RAD54L2: variants seen among roughly 807,000 people sequenced by gnomAD.
RAD54L2 encodes RAD54 like 2, also known as helicase ARIP4.
Under a neutral mutation model 138.4 loss-of-function variants are expected in RAD54L2, and 27 were observed. The observed-to-expected ratio is 0.20, with a 90% CI of 0.14 to 0.27. The LOEUF (loss-of-function observed/expected upper bound fraction) is 0.27. Ranked by LOEUF, RAD54L2 falls within the 10% of genes least tolerant of loss-of-function variation. RAD54L2 has a pLI of 1.00. For missense variants in RAD54L2, 1,396 were observed against 1,890.2 expected (o/e 0.74, Z 4.85); for synonymous variants, 644 against 723.2 (o/e 0.89, Z 1.76).
At chr3:51,626,059 G>A (rs1220118340) in intron 3 of RAD54L2, among the ~76,000 whole-genome samples, 1 of 151,458 alleles carries the variant, frequency 6.6e-6, no homozygotes, top group East Asian at 1.9e-4. Context: ...CAAACAATAA[G>A]CCACCAGCCC....
chr3:51,568,787 A>AT (rs1251209876), intron 2 of RAD54L2, among the ~76,000 whole-genome samples: 4 of 152,154 alleles, frequency 2.6e-5, no homozygotes, highest in African/African-American at 9.7e-5. Context: ...TGCATTGTAA[A>AT]TTTCCTGGTG....
At chr3:51,649,080 T>G (rs1418184821) in intron 19 of RAD54L2, among the ~76,000 whole-genome samples, 1 of 152,000 alleles carries the variant, frequency 6.6e-6, no homozygotes, top group Non-Finnish European at 1.5e-5. Flanking sequence ...AATGGCTAAC[T>G]AGAATAAACA....
intron 3 of RAD54L2, among the ~76,000 whole-genome samples, chr3:51,626,089 C>T (rs946480102): frequency 2.0e-5 from 3 of 151,934 alleles, no homozygotes; most frequent in Admixed American, 6.6e-5. Context: ...GCCGACCCCA[C>T]CAAAAAAAAA....
At position 51,581,614 on chromosome 3, in the gene RAD54L2, C is replaced by G. The variant is rs534039765; in HGVS notation, c.-54-8753C>G. Among the ~76,000 whole-genome samples, 96 of 152,244 alleles carry G rather than the reference C, an allele frequency of 6.3e-4. 2 individuals carry two copies. The Middle Eastern group carries it at 0.01, about 16-fold the overall frequency. On this transcript the variant is annotated intron_variant, in intron 2 of 22. Transcript: ENST00000684192. ...GCTTGTATCGGTCTGGGCTCGAAAGCACCCAGACTGAGCTCTGTGGCTCTG... is the reference window on the plus strand; with the variant it reads ...GCTTGTATCGGTCTGGGCTCGAAAGGACCCAGACTGAGCTCTGTGGCTCTG...
chr3:51,592,673 C>G (rs1015716598), intron 3 of RAD54L2, among the ~76,000 whole-genome samples: 1 of 151,264 alleles, frequency 6.6e-6, no homozygotes, highest in East Asian at 2.0e-4. Context: ...CTCCCAGGTT[C>G]TAGCAATTCT....
At position 51,590,386 on chromosome 3, in the gene RAD54L2, G is replaced by GAGT; in HGVS notation, c.-34_-32dup. On this transcript the variant is annotated 5_prime_UTR_variant, in exon 3 of 23. Transcript: ENST00000684192. ...TCCTAGCACCCCTGCAGTGGACCAT[G>GAGT]AGTCGGTAATGCCCACTGAGGACCT... 1 of 1,491,260 alleles carries GAGT rather than the reference G, an allele frequency of 6.7e-7. No homozygotes were observed. Among genetic ancestry groups the GAGT allele is most frequent in the East Asian group, 2.5e-5 (1 of 40,274 alleles). 92.4% of individuals were successfully genotyped at this position (1,491,260 alleles called of 1,614,324 possible). A position where few individuals can be genotyped will look rare whatever the true frequency, so the allele number is the denominator to read the frequency against.
intron 2 of RAD54L2, among the ~76,000 whole-genome samples, chr3:51,574,307 C>T (rs1364987871): frequency 1.3e-5 from 2 of 152,090 alleles, no homozygotes; most frequent in African/African-American, 2.4e-5. Flanking sequence ...GATAAACATA[C>T]GTGTGCATGT....
chr3:51,574,821 C>G lies in RAD54L2; in HGVS notation c.-54-15546C>G, dbSNP rs185567089. 1.1e-3 allele frequency among the ~76,000 whole-genome samples: 164 copies of G among 152,250 alleles called. 1 individual carries two copies. The highest frequency in any genetic ancestry group is 9.1e-3 in the Admixed American group (139 of 15,290). ...TGCCTGTTCATTCTGATGGTCATTT[C>G]TTTTGCTGTGCAGAATCTCTTTAGT... is the stretch of plus-strand genomic sequence containing the variant. On this transcript the variant is annotated intron_variant, in intron 2 of 22. Coordinates refer to ENST00000684192, the MANE Select transcript of RAD54L2 (RefSeq NM_015106.4).
intron 2 of RAD54L2, among the ~76,000 whole-genome samples, chr3:51,574,606 G>A (rs962770178): frequency 1.3e-5 from 2 of 152,116 alleles, no homozygotes; most frequent in Non-Finnish European, 2.9e-5. Context: ...GTGATGATGA[G>A]CATTTTTTCA....
At chr3:51,651,721 C>T (rs971827525) in intron 19 of RAD54L2, among the ~76,000 whole-genome samples, 26 of 152,178 alleles carry the variant, frequency 1.7e-4, no homozygotes, top group South Asian at 2.1e-4. Context: ...AAAAGGCATT[C>T]GACAAAATTC....
chr3:51,642,518 C>T (rs576231080), intron 15 of RAD54L2, among the ~76,000 whole-genome samples: 36 of 152,070 alleles, frequency 2.4e-4, no homozygotes, highest in African/African-American at 8.7e-4. Flanking sequence ...TTGAGAAATA[C>T]AGACCTCAGC....
In RAD54L2 at chr3:51,662,365, C is replaced by T; in HGVS notation, c.3410-61C>T. On this transcript the variant is annotated intron_variant, in intron 22 of 22. Coordinates refer to ENST00000684192, the MANE Select transcript of RAD54L2 (RefSeq NM_015106.4). The surrounding 1 kb of genome is among the most constrained non-coding windows in gnomAD (Gnocchi z 4.6). ...AGGATTTTTTTTAATGGAGTTTTCT[C>T]CTCTACCCTTCTTCTCTCCCTGGCC... The T allele has an allele frequency of 7.1e-7, 1 of 1,416,344 alleles. No individual in the cohort carries two copies. Among genetic ancestry groups the T allele is most frequent in the Non-Finnish European group, 9.4e-7 (1 of 1,059,824 alleles). 87.7% of individuals were successfully genotyped at this position (1,416,344 alleles called of 1,614,324 possible).
At chr3:51,575,632 T>C (rs185030890) in intron 2 of RAD54L2, among the ~76,000 whole-genome samples, 53 of 152,322 alleles carry the variant, frequency 3.5e-4, no homozygotes, top group Non-Finnish European at 6.2e-4. Context: ...AGTTCATTCA[T>C]GATTTGGCTC....
chr3:51,579,161 CTTT>C (rs771455214), intron 2 of RAD54L2, among the ~76,000 whole-genome samples: 1 of 131,630 alleles, frequency 7.6e-6, no homozygotes, highest in African/African-American at 2.8e-5. Flanking sequence ...TGAGCCTGGG[CTTT>C]TTTTTTTTTT....
At chr3:51,546,748 G>T (rs1698705808) in intron 2 of RAD54L2, among the ~76,000 whole-genome samples, 1 of 152,062 alleles carries the variant, frequency 6.6e-6, no homozygotes, top group South Asian at 2.1e-4. Context: ...AGTTGTTGAG[G>T]CCAGGCGCGG....
chr3:51,589,857 C>T (rs1699803026), intron 2 of RAD54L2, among the ~76,000 whole-genome samples: 1 of 152,044 alleles, frequency 6.6e-6, no homozygotes, highest in Non-Finnish European at 1.5e-5. Context: ...GTCAAAATAG[C>T]CAAGAGATGT....
Position 51,643,932 on chromosome 3 carries a change from A to T in RAD54L2, c.2408A>T (p.Asp803Val). ...ERERLINQFNDPSNLTTWLFL... is the reference protein window; with the variant it reads ...ERERLINQFNVPSNLTTWLFL... ...GAGCGGCTTATTAATCAGTTCAATGATCCCAGCAACCTCACCACCTGGCTG... is the reference window on the plus strand; with the variant it reads ...GAGCGGCTTATTAATCAGTTCAATGTTCCCAGCAACCTCACCACCTGGCTG... Residue 803 changes from aspartate (D) to valine (V), a missense_variant, in exon 16 of 23, where the codon GAT (aspartate) becomes GTT (valine). Physicochemically the swap from Asp to Val is radical, Grantham distance 152. Coordinates refer to ENST00000684192, the MANE Select transcript of RAD54L2 (RefSeq NM_015106.4). 1 of 1,607,690 alleles carries T rather than the reference A, an allele frequency of 6.2e-7. No homozygotes were observed. The highest frequency in any genetic ancestry group is 1.7e-4 in the Middle Eastern group (1 of 6,056).
chr3:51,576,001 T>C (rs1444851329), intron 2 of RAD54L2, among the ~76,000 whole-genome samples: 4 of 152,186 alleles, frequency 2.6e-5, no homozygotes, highest in Admixed American at 6.5e-5. Flanking sequence ...AAATAACTCT[T>C]ATTATTTTGA....
chr3:51,652,746 A>T (rs1701476797), intron 19 of RAD54L2, among the ~76,000 whole-genome samples: 1 of 152,218 alleles, frequency 6.6e-6, no homozygotes, highest in African/African-American at 2.4e-5. Flanking sequence ...CTGAAACTGG[A>T]TCCCTTCCTT....
Sources: allele counts gnomAD v4.1 joint callset (sites outside exome capture counted in the v4.1 genomes callset), GRCh38; gene constraint gnomAD v4.1.1; non-coding constraint Gnocchi (gnomAD v3.1); transcripts MANE v1.5; gene names NCBI Gene and HGNC (gene_info 2026-07-23, HGNC 2026-07-21).